Variants in FAT3 observed in about 807,000 individuals in gnomAD.
FAT3 encodes protocadherin Fat 3.
Under a neutral mutation model 310.2 loss-of-function variants are expected in FAT3, and 95 were observed. The ratio of observed to expected loss-of-function variants is 0.31; its 90% CI spans 0.26 to 0.36. The LOEUF (loss-of-function observed/expected upper bound fraction) is 0.36. Ranked by LOEUF, FAT3 falls within the 10% of genes least tolerant of loss-of-function variation. FAT3 has a pLI of 1.00. For synonymous variants in FAT3, 2,314 were observed against 2,192.9 expected (o/e 1.06, Z -1.54); for missense variants, 5,408 against 5,715.6 (o/e 0.95, Z 1.74).
At chr11:92,471,014 T>C (rs1180955819) in intron 2 of FAT3, among the ~76,000 whole-genome samples, 1 of 152,228 alleles carries the variant, frequency 6.6e-6, no homozygotes, top group Non-Finnish European at 1.5e-5. Context: ...ATTTGATATA[T>C]TTTTAACATT....
chr11:92,359,892 G>A (rs1294320030), intron 2 of FAT3, among the ~76,000 whole-genome samples: 6 of 138,540 alleles, frequency 4.3e-5, no homozygotes, highest in Non-Finnish European at 7.7e-5. Context: ...TTGGACATTT[G>A]GGTTGGTTCC....
chr11:92,352,789 G>A lies in FAT3; in HGVS notation c.677G>A (p.Arg226Lys). The part of the protein sequence containing the change: ...SGRLNYDEKN[R>K]YDLEILAVDR... The stretch of plus-strand genomic sequence containing the variant: ...CGATTAAATTATGATGAAAAGAATA[G>A]GTATGATCTGGAAATTTTGGCTGTG... The change falls in exon 2 of 28, where the codon AGG becomes AAG. Residue 226 changes from arginine to lysine, a missense_variant. Coordinates refer to ENST00000525166, the MANE Select transcript of FAT3 (RefSeq NM_001367949.2). 1 of 1,613,830 alleles carries A rather than the reference G, an allele frequency of 6.2e-7. No individual in the cohort carries two copies. Among genetic ancestry groups the A allele is most frequent in the Non-Finnish European group, 8.5e-7 (1 of 1,179,878 alleles).
intron 1 of FAT3, among the ~76,000 whole-genome samples, chr11:92,326,766 T>G (rs1441816855): frequency 6.6e-6 from 1 of 152,226 alleles, no homozygotes; most frequent in Non-Finnish European, 1.5e-5. Context: ...CTATCCCTGC[T>G]TCATCAGAAA....
chr11:92,545,772 G>A (rs1177908767), intron 3 of FAT3, among the ~76,000 whole-genome samples: 1 of 152,184 alleles, frequency 6.6e-6, no homozygotes, highest in Admixed American at 6.5e-5. Context: ...AATTTGCCTT[G>A]CCAAGCATCT....
In FAT3 at chr11:92,844,673, C is replaced by A. The variant is rs1323311736; in HGVS notation, c.11306C>A (p.Thr3769Lys). ...LDSHALMTYS[T>K]ARISFVCPRF... is the part of the protein sequence containing the mutation. ...TCCCACGCGCTCATGACCTACAGCA[C>A]GGCTCGCATCAGCTTTGTGTGTCCG... is the stretch of plus-strand genomic sequence containing the variant. Residue 3769 changes from threonine to lysine, a missense_variant, in exon 19 of 28, where the codon ACG (threonine) becomes AAG (lysine). Around this residue, in one of 5 missense-constraint regions of FAT3, gnomAD observed 4,588 missense variants for 4,809.8 expected, o/e 0.95. Transcript: ENST00000525166. The A allele has an allele frequency of 6.3e-7, 1 of 1,596,816 alleles. No homozygotes were observed. The highest frequency in any genetic ancestry group is 1.3e-5 in the African/African-American group (1 of 74,680).
rs371628916 is a variant in FAT3 at position 92,352,970 on chromosome 11, A to C, written c.858A>C (p.Thr286=). The C allele has an allele frequency of 1.9e-6, 3 of 1,613,866 alleles. No homozygotes were observed. The highest frequency in any genetic ancestry group is 1.7e-4 in the Middle Eastern group (1 of 6,060). ...AAGAGCCAACATATGCAGTGGTGAC[A>C]GTTGATGACTTAGATGATGGAGCGA... ...LEKEPTYAVV[T]VDDLDDGANG... is the part of the protein sequence containing the mutation. Residue 286 remains threonine (T), a synonymous_variant, in exon 2 of 28, where the codon ACA becomes ACC. Transcript: ENST00000525166.
chr11:92,877,040 T>G (rs6483198), intron 22 of FAT3, among the ~76,000 whole-genome samples: 125,929 of 152,146 alleles, frequency 0.83, 52,363 homozygotes, highest in African/African-American at 0.9. Context: ...TGCTATGGAA[T>G]TAAAGTTATT....
chr11:92,883,474 G>A lies in FAT3; in HGVS notation c.12937+81G>A. Reference sequence around the variant, plus strand: ...CGCTGTGCGAGGACGCTACGGGAAGGGAGAGAGACCCCGCATGCAGAGCAT... The same window carrying A: ...CGCTGTGCGAGGACGCTACGGGAAGAGAGAGAGACCCCGCATGCAGAGCAT... On this transcript the variant is annotated intron_variant, in intron 24 of 27. Coordinates refer to ENST00000525166, the MANE Select transcript of FAT3 (RefSeq NM_001367949.2). This position sits in a 1 kb window ranked among gnomAD's most constrained non-coding sequence, Gnocchi z 4.2. 1.3e-6 allele frequency: 2 copies of A among 1,492,282 alleles called. No homozygotes were observed. Among genetic ancestry groups the A allele is most frequent in the Non-Finnish European group, 1.8e-6 (2 of 1,112,734 alleles). 92.4% of individuals were successfully genotyped at this position (1,492,282 alleles called of 1,614,324 possible). A position where few individuals can be genotyped will look rare whatever the true frequency, so the allele number is the denominator to read the frequency against.
chr11:92,689,816 A>T (rs1473123521), intron 3 of FAT3, among the ~76,000 whole-genome samples: 1 of 152,034 alleles, frequency 6.6e-6, no homozygotes, highest in Non-Finnish European at 1.5e-5. Context: ...GAGGAGGAGG[A>T]CTTTGGAAGT....
At chr11:92,572,530 A>G (rs1416758391) in intron 3 of FAT3, among the ~76,000 whole-genome samples, 1 of 152,204 alleles carries the variant, frequency 6.6e-6, no homozygotes, top group African/African-American at 2.4e-5. Flanking sequence ...AAAAACTGTC[A>G]ATATTGCAAC....
chr11:92,734,740 T>C (rs1945291827), intron 4 of FAT3, among the ~76,000 whole-genome samples: 1 of 152,150 alleles, frequency 6.6e-6, no homozygotes, highest in African/African-American at 2.4e-5. Context: ...AAGGTGTGTG[T>C]AACAAAACCA....
chr11:92,667,642 T>C (rs1274150897), intron 3 of FAT3, among the ~76,000 whole-genome samples: 4 of 152,128 alleles, frequency 2.6e-5, no homozygotes, highest in Non-Finnish European at 4.4e-5. Flanking sequence ...CCAAAGAATG[T>C]TGGCTCTTGC....
intron 2 of FAT3, among the ~76,000 whole-genome samples, chr11:92,457,555 TA>T (rs1951522960): frequency 6.6e-6 from 1 of 152,072 alleles, no homozygotes; most frequent in South Asian, 2.1e-4. Flanking sequence ...AAAAATCTAT[TA>T]AAAAATCACC....
intron 3 of FAT3, among the ~76,000 whole-genome samples, chr11:92,628,838 G>T (rs779536782): frequency 6.6e-6 from 1 of 152,138 alleles, no homozygotes; most frequent in African/African-American, 2.4e-5. Context: ...TTGGCAGCTG[G>T]ATCTTCTGAA....
Position 92,806,425 on chromosome 11 carries a change from G to T in FAT3, c.9157G>T (p.Ala3053Ser). ...PSNKIILKVS[A>S]KDADIGSNGY... ...AAATAAAATCATCCTGAAAGTCAGTGCAAAGGATGCTGATATTGGATCCAA... is the reference window on the plus strand; with the variant it reads ...AAATAAAATCATCCTGAAAGTCAGTTCAAAGGATGCTGATATTGGATCCAA... Residue 3053 changes from alanine (A) to serine (S), a missense_variant, in exon 12 of 28, where the codon GCA (alanine) becomes TCA (serine). Physicochemically the swap from Ala to Ser is moderately conservative, Grantham distance 99 (BLOSUM62 1). This residue lies in a region of FAT3 where 4,588 missense variants were observed against 4,809.8 expected (regional missense o/e 0.95). Coordinates refer to ENST00000525166, the MANE Select transcript of FAT3 (RefSeq NM_001367949.2). 1 of 1,589,372 alleles carries T rather than the reference G, an allele frequency of 6.3e-7. No homozygotes were observed. The highest frequency in any genetic ancestry group is 8.6e-7 in the Non-Finnish European group (1 of 1,166,390).
intron 3 of FAT3, among the ~76,000 whole-genome samples, chr11:92,637,389 A>G (rs905472153): frequency 6.6e-6 from 1 of 152,200 alleles, no homozygotes; most frequent in African/African-American, 2.4e-5. Context: ...GGGGTCAGGA[A>G]GGATGAATTT....
At chr11:92,450,564 A>G (rs928344850) in intron 2 of FAT3, among the ~76,000 whole-genome samples, 1 of 152,316 alleles carries the variant, frequency 6.6e-6, no homozygotes, top group African/African-American at 2.4e-5. Context: ...AGCAGCAGCA[A>G]GAATTTGCTG....
rs117784701 is a variant in FAT3, at chr11:92,536,411, T to C, written c.3607+11463T>C. On this transcript the variant is annotated intron_variant, in intron 3 of 27. Transcript: ENST00000525166. ...ACATGAGAAATAAATGTCTTTGCAT[T>C]TTGATCCCAGCTTCTTGGCCATGTG... is the stretch of plus-strand genomic sequence containing the variant. Among the ~76,000 whole-genome samples the C allele has an allele frequency of 6.0e-3, 911 of 152,244 alleles. 7 individuals carry two copies. Among genetic ancestry groups the C allele is most frequent in the Middle Eastern group, 0.02 (6 of 294 alleles).
chr11:92,399,046 A>G (rs947654056), intron 2 of FAT3, among the ~76,000 whole-genome samples: 8 of 152,238 alleles, frequency 5.3e-5, no homozygotes, highest in South Asian at 2.1e-4. Context: ...GAAACTATAT[A>G]GAATCCTTTA....
Sources: gnomAD v4.1 joint callset for allele counts (sites outside exome capture counted in the v4.1 genomes callset) on GRCh38, gnomAD v4.1.1 for gene constraint, gnomAD v4.1.1 regional missense constraint, Gnocchi (gnomAD v3.1) non-coding constraint, MANE v1.5 for transcripts, NCBI Gene and HGNC (gene_info 2026-07-23, HGNC 2026-07-21) for gene names.